NCKAP5: variants seen among roughly 807,000 people sequenced by gnomAD.
NCKAP5 encodes the protein NCK associated protein 5.
A neutral mutation model predicts 167.0 loss-of-function variants in NCKAP5; 92 were observed. That is an observed-to-expected ratio of 0.55 (90% CI 0.47 to 0.66). The LOEUF is 0.66. NCKAP5 is among the 30% of genes least tolerant of loss of function. NCKAP5 has a pLI of 0.00. For missense variants in NCKAP5, 2,378 were observed against 2,315.0 expected (o/e 1.03, Z -0.56); for synonymous variants, 891 against 877.4 (o/e 1.02, Z -0.27).
At chr2:132,874,103 A>ATTTTT (rs4057987) in intron 9 of NCKAP5, among the ~76,000 whole-genome samples, 12 of 113,154 alleles carry the variant, frequency 1.1e-4, no homozygotes, top group Non-Finnish European at 1.6e-4. Flanking sequence ...CAAGACCTTG[A>ATTTTT]TTTTTTTTTT....
chr2:132,750,710 T>C (rs1176972925), intron 16 of NCKAP5, among the ~76,000 whole-genome samples: 1 of 152,150 alleles, frequency 6.6e-6, no homozygotes, highest in East Asian at 1.9e-4. Flanking sequence ...TTCTAGGAAG[T>C]AGAAAGGAAA....
intron 8 of NCKAP5, among the ~76,000 whole-genome samples, chr2:132,889,366 C>T (rs944775739): frequency 1.3e-5 from 2 of 152,164 alleles, no homozygotes; most frequent in Non-Finnish European, 2.9e-5. Context: ...CGAGGTGGAA[C>T]ATCAATTCTT....
chr2:133,020,903 C>A (rs552042388), intron 6 of NCKAP5, among the ~76,000 whole-genome samples: 1 of 152,098 alleles, frequency 6.6e-6, no homozygotes. Flanking sequence ...AAGAGCGGAG[C>A]CCATGGAGTG....
chr2:132,916,091 T>C (rs1694852170), intron 8 of NCKAP5, among the ~76,000 whole-genome samples: 1 of 151,988 alleles, frequency 6.6e-6, no homozygotes, highest in East Asian at 1.9e-4. Flanking sequence ...GCAGAGGCAA[T>C]GCTCAGAGAA....
intron 6 of NCKAP5, among the ~76,000 whole-genome samples, chr2:133,115,817 A>ATATATATATATATATT (rs2082061298): frequency 1.3e-5 from 1 of 75,188 alleles, no homozygotes; most frequent in Non-Finnish European, 2.5e-5. Flanking sequence ...ATATATATAT[A>ATATATATATATATATT]GTGTTCACAC....
intron 11 of NCKAP5, among the ~76,000 whole-genome samples, chr2:132,816,445 TG>T (rs1248911564): frequency 6.6e-6 from 1 of 152,128 alleles, no homozygotes; most frequent in Non-Finnish European, 1.5e-5. Context: ...TGGAAGCCCC[TG>T]CTTGTTTCAA....
At chr2:132,723,138 G>GTT (rs1165363788) in intron 19 of NCKAP5, among the ~76,000 whole-genome samples, 2 of 133,422 alleles carry the variant, frequency 1.5e-5, no homozygotes, top group African/African-American at 6.1e-5. Context: ...GAGCCAGGTG[G>GTT]TATTTTTTTT....
At chr2:133,537,392 T>C (rs1240615404) in intron 2 of NCKAP5, among the ~76,000 whole-genome samples, 1 of 152,006 alleles carries the variant, frequency 6.6e-6, no homozygotes, top group Non-Finnish European at 1.5e-5. Context: ...ATCTGGGGAG[T>C]AGTGCCATCT....
intron 3 of NCKAP5, among the ~76,000 whole-genome samples, chr2:133,487,637 T>C (rs1421985749): frequency 6.6e-6 from 1 of 152,134 alleles, no homozygotes; most frequent in Non-Finnish European, 1.5e-5. Flanking sequence ...TCCATGTATT[T>C]ATGTATCAGT....
chr2:133,518,987 C>G (rs1684256776), intron 2 of NCKAP5, among the ~76,000 whole-genome samples: 1 of 152,126 alleles, frequency 6.6e-6, no homozygotes, highest in Non-Finnish European at 1.5e-5. Context: ...AATGCTATAC[C>G]AATTAACTTT....
At chr2:132,709,144 TAC>T (rs1491564410) in intron 19 of NCKAP5, among the ~76,000 whole-genome samples, 5,259 of 151,210 alleles carry the variant, frequency 0.035, 315 homozygotes, top group African/African-American at 0.12. Flanking sequence ...TCATAATATC[TAC>T]ACCCCCCCAC....
intron 1 of NCKAP5, among the ~76,000 whole-genome samples, chr2:133,559,451 T>C (rs150767199): frequency 1.1e-4 from 16 of 152,320 alleles, no homozygotes; most frequent in Middle Eastern, 3.4e-3. Flanking sequence ...CCTGAGTAGC[T>C]GAGACTACAG....
chr2:133,604,350 C>T, the NCKAP5 span, among the ~76,000 whole-genome samples: 1 of 152,010 alleles, frequency 6.6e-6, no homozygotes, highest in African/African-American at 2.4e-5. Context: ...GGATTATAGA[C>T]ACATGCCACC....
chr2:133,304,611 C>A (rs1317865796), intron 3 of NCKAP5, among the ~76,000 whole-genome samples: 3 of 152,202 alleles, frequency 2.0e-5, no homozygotes, highest in Non-Finnish European at 4.4e-5. Flanking sequence ...CTATCAAATA[C>A]ATGAATTCTC....
intron 8 of NCKAP5, among the ~76,000 whole-genome samples, chr2:132,940,617 T>C (rs1196502311): frequency 6.6e-6 from 1 of 152,154 alleles, no homozygotes; most frequent in Non-Finnish European, 1.5e-5. Context: ...GACAGGATAT[T>C]ATGCAGCCAT....
chr2:133,079,965 C>G (rs907606274), intron 6 of NCKAP5, among the ~76,000 whole-genome samples: 3 of 152,110 alleles, frequency 2.0e-5, no homozygotes, highest in Admixed American at 1.3e-4. Context: ...TTGTAATAGC[C>G]TATACCTCAG....
At position 132,785,373 on chromosome 2, in the gene NCKAP5, C is replaced by A. The variant is rs758470126; in HGVS notation, c.1438G>T (p.Asp480Tyr). ...YDLDSHVDADDDPSTLALLQA... is the reference protein window; with the variant it reads ...YDLDSHVDADYDPSTLALLQA... ...AGCAATGCTAAGGTGGAAGGGTCAT[C>A]GTCCGCATCAACGTGGGAATCTAGA... The change falls in exon 14 of 20, where the codon GAT (aspartate) becomes TAT (tyrosine). Residue 480 changes from aspartate to tyrosine, a missense_variant. This residue lies in a region of NCKAP5 where 1,049 missense variants were observed against 1,023.4 expected (regional missense o/e 1.02). Coordinates refer to ENST00000409261, the MANE Select transcript of NCKAP5 (RefSeq NM_207363.3). 1.2e-6 allele frequency: 2 copies of A among 1,613,994 alleles called. No homozygotes were observed. Among genetic ancestry groups the A allele is most frequent in the Non-Finnish European group, 1.7e-6 (2 of 1,179,900 alleles).
intron 3 of NCKAP5, among the ~76,000 whole-genome samples, chr2:133,406,679 G>T (rs1384825918): frequency 2.0e-5 from 3 of 152,144 alleles, no homozygotes; most frequent in African/African-American, 4.8e-5. Context: ...ATAAATAAAA[G>T]ATCAAAGTTG....
intron 3 of NCKAP5, among the ~76,000 whole-genome samples, chr2:133,420,911 C>T (rs1689434975): frequency 6.6e-6 from 1 of 152,178 alleles, no homozygotes; most frequent in Non-Finnish European, 1.5e-5. Flanking sequence ...AGCGTTTTCT[C>T]CTTCTCTAAA....
Sources: allele counts gnomAD v4.1 joint callset (sites outside exome capture counted in the v4.1 genomes callset), GRCh38; gene constraint gnomAD v4.1.1; regional missense constraint gnomAD v4.1.1; transcripts MANE v1.5; gene names NCBI Gene and HGNC (gene_info 2026-07-23, HGNC 2026-07-21).